The following APBB2 variants were observed in gnomAD, a reference collection of about 807,000 sequenced individuals.
APBB2 encodes amyloid beta precursor protein binding family B member 2.
Under a neutral mutation model 82.5 loss-of-function variants are expected in APBB2, and 38 were observed. The observed-to-expected ratio is 0.46, with a 90% CI of 0.36 to 0.60. APBB2 has a LOEUF of 0.60. Among genes scored for constraint, APBB2 ranks in the 20% least tolerant of loss-of-function variants. APBB2 has a pLI of 0.00. For synonymous variants in APBB2, 341 were observed against 368.2 expected, an observed-to-expected ratio of 0.93 and a Z score of 0.85; for missense variants, 772 against 972.3, an observed-to-expected ratio of 0.79 and a Z score of 2.74.
At chr4:40,940,546 A>C (rs1049475599) in intron 7 of APBB2, among the ~76,000 whole-genome samples, 7 of 152,170 alleles carry the variant, frequency 4.6e-5, no homozygotes, top group Non-Finnish European at 7.4e-5. Context: ...CGGCCCTTTT[A>C]TGTTGTCATC....
intron 12 of APBB2, among the ~76,000 whole-genome samples, chr4:40,860,344 C>T (rs189479165): frequency 4.6e-5 from 7 of 152,270 alleles, no homozygotes; most frequent in Admixed American, 2.0e-4. Context: ...TGAGATTAGC[C>T]CTGGACCAGT....
intron 7 of APBB2, among the ~76,000 whole-genome samples, chr4:40,943,857 G>A (rs1715864945): frequency 6.6e-6 from 1 of 152,202 alleles, no homozygotes; most frequent in Non-Finnish European, 1.5e-5. Context: ...GAGAATCTGA[G>A]GTCCAGGCTG....
chr4:41,158,433 C>G (rs927054578), intron 1 of APBB2, among the ~76,000 whole-genome samples: 2 of 152,196 alleles, frequency 1.3e-5, no homozygotes, highest in African/African-American at 4.8e-5. Flanking sequence ...TTGTTGAAAG[C>G]AGTAGCTCTA....
intron 2 of APBB2, among the ~76,000 whole-genome samples, chr4:41,119,031 C>T (rs1751988615): frequency 6.6e-6 from 1 of 151,944 alleles, no homozygotes; most frequent in African/African-American, 2.4e-5. Flanking sequence ...CCCAGCTACT[C>T]AGGAGGAGGG....
intron 4 of APBB2, among the ~76,000 whole-genome samples, chr4:41,034,042 T>C (rs576505207): frequency 5.9e-4 from 90 of 152,334 alleles, no homozygotes; most frequent in African/African-American, 2.1e-3. Flanking sequence ...ACCTTGCTGG[T>C]GAGAGTAAAA....
chr4:41,157,083 A>C, intron 1 of APBB2, among the ~76,000 whole-genome samples: 2 of 151,618 alleles, frequency 1.3e-5, no homozygotes, highest in South Asian at 4.2e-4. Flanking sequence ...AAAAAAAAAA[A>C]CAAGGATCAT....
chr4:40,945,518 A>C (rs1004655848), intron 6 of APBB2, among the ~76,000 whole-genome samples: 11 of 152,194 alleles, frequency 7.2e-5, no homozygotes, highest in Non-Finnish European at 1.2e-4. Flanking sequence ...TCTGTAAATG[A>C]GTGCTGTATT....
At chr4:40,987,071 T>C (rs1445335914) in intron 6 of APBB2, among the ~76,000 whole-genome samples, 2 of 152,188 alleles carry the variant, frequency 1.3e-5, no homozygotes, top group Non-Finnish European at 2.9e-5. Context: ...TTGCACAGTA[T>C]AGGAGGAAAA....
intron 2 of APBB2, among the ~76,000 whole-genome samples, chr4:41,129,247 C>A (rs1049333783): frequency 5.3e-5 from 8 of 152,150 alleles, no homozygotes; most frequent in African/African-American, 1.7e-4. Flanking sequence ...TTTGGGGAGT[C>A]AAGACTCCTG....
rs748810985 is a variant in APBB2 at position 41,000,063 on chromosome 4, GTGTGTA to G, written c.835+13514_835+13519del. ...TGTGTGTATGTATATGTATATATAT[GTGTGTA>G]TGTGTGTGTGTGTGTGTGTGTGTGT... is the stretch of plus-strand genomic sequence containing the variant. On this transcript the variant is annotated intron_variant, in intron 6 of 17. Coordinates refer to ENST00000508593, the MANE Select transcript of APBB2 (RefSeq NM_004307.2). Among the ~76,000 whole-genome samples, 87 of 89,114 alleles carry G rather than the reference GTGTGTA, an allele frequency of 9.8e-4. 1 individual carries two copies. The East Asian group carries it at 9.9e-3, about 10-fold the overall frequency. The allele number at this position is 89,114 out of a possible 152,430, so 58.5% of individuals were successfully genotyped here.
chr4:41,031,234 T>TTAAA (rs144245631), intron 5 of APBB2, among the ~76,000 whole-genome samples: 189 of 151,468 alleles, frequency 1.2e-3, no homozygotes, highest in Non-Finnish European at 2.2e-3. Flanking sequence ...CAAAAAAAAT[T>TTAAA]TAAATAAATA....
chr4:41,097,023 T>C (rs967232941), intron 3 of APBB2, among the ~76,000 whole-genome samples: 1 of 152,240 alleles, frequency 6.6e-6, no homozygotes, highest in African/African-American at 2.4e-5. Flanking sequence ...CCAATTAACC[T>C]GGACTGTAGT....
intron 4 of APBB2, among the ~76,000 whole-genome samples, chr4:41,050,064 C>T (rs35930874): frequency 0.17 from 25,936 of 151,884 alleles, 2,556 homozygotes; most frequent in Non-Finnish European, 0.23. Context: ...CACTATTGTC[C>T]TATGACCCTG....
Position 40,985,498 on chromosome 4 carries a change from G to GC in APBB2, c.835+28084dup, listed in dbSNP as rs1375599232. Among the ~76,000 whole-genome samples, 11 of 152,206 alleles carry GC rather than the reference G, an allele frequency of 7.2e-5. No homozygotes were observed. The East Asian group carries it at 2.1e-3, about 29-fold the overall frequency. Reference sequence around the variant, plus strand: ...AGTATGCAGCAACAGAGAGCACAGGGCCAATTGTGGGGTGGCTCTGATGAA... The same window carrying GC: ...AGTATGCAGCAACAGAGAGCACAGGGCCCAATTGTGGGGTGGCTCTGATGAA... On this transcript the variant is annotated intron_variant, in intron 6 of 17. Coordinates refer to ENST00000508593, the MANE Select transcript of APBB2 (RefSeq NM_004307.2).
chr4:41,066,706 A>G (rs1731988402), intron 3 of APBB2, among the ~76,000 whole-genome samples: 2 of 152,260 alleles, frequency 1.3e-5, no homozygotes, highest in South Asian at 4.1e-4. Context: ...GGTATAGTCC[A>G]GAGTTGCTGG....
chr4:41,105,943 T>G (rs1218505734), intron 2 of APBB2, among the ~76,000 whole-genome samples: 1 of 150,886 alleles, frequency 6.6e-6, no homozygotes, highest in Non-Finnish European at 1.5e-5. Flanking sequence ...ATCCAGAGAC[T>G]GTGTCCAATT....
chr4:40,914,575 TAGAC>T (rs913026918), intron 10 of APBB2, among the ~76,000 whole-genome samples: 8 of 152,038 alleles, frequency 5.3e-5, no homozygotes, highest in Admixed American at 2.6e-4. Flanking sequence ...CATAGGTAGA[TAGAC>T]AGACAGACAG....
intron 5 of APBB2, among the ~76,000 whole-genome samples, chr4:41,027,402 T>TATAA (rs1348995828): frequency 1.6e-5 from 2 of 124,134 alleles, no homozygotes; most frequent in Admixed American, 1.7e-4. Context: ...TATATATATA[T>TATAA]ATAACATTTT....
intron 1 of APBB2, among the ~76,000 whole-genome samples, chr4:41,188,598 G>A (rs1167350748): frequency 6.6e-6 from 1 of 152,156 alleles, no homozygotes; most frequent in Non-Finnish European, 1.5e-5. Flanking sequence ...CCTTCATCTC[G>A]AACGTTTTCC....
Sources: gnomAD v4.1 joint callset for allele counts (sites outside exome capture counted in the v4.1 genomes callset) on GRCh38, gnomAD v4.1.1 for gene constraint, MANE v1.5 for transcripts, NCBI Gene and HGNC (gene_info 2026-07-23, HGNC 2026-07-21) for gene names.